PXYLP1: variants seen among roughly 807,000 people sequenced by gnomAD.
PXYLP1 encodes the protein 2-phosphoxylose phosphatase 1, also known as acid phosphatase-like 2.
A neutral mutation model predicts 37.9 loss-of-function variants in PXYLP1; 17 were observed. The ratio of observed to expected loss-of-function variants is 0.45; its 90% CI spans 0.31 to 0.67. The LOEUF is 0.67. PXYLP1 is among the 30% of genes least tolerant of loss of function. The pLI is 0.07. For missense variants in PXYLP1, 511 were observed against 612.0 expected, an observed-to-expected ratio of 0.84 and a Z score of 1.74; for synonymous variants, 221 against 232.2, an observed-to-expected ratio of 0.95 and a Z score of 0.44.
At chr3:141,271,617 G>C (rs1404386520) in intron 2 of PXYLP1, among the ~76,000 whole-genome samples, 2 of 152,188 alleles carry the variant, frequency 1.3e-5, no homozygotes, top group Admixed American at 1.3e-4. Context: ...CTGGGTCCCT[G>C]ATACCCAACT....
chr3:141,268,469 G>A lies in PXYLP1; in HGVS notation c.79+8215G>A, dbSNP rs372739838. ...GTGTGCGCCTGCTGAGCCAAGCCAC[G>A]CAGTGCAGACCCCGCTCACTCCCTG... On this transcript the variant is annotated intron_variant, in intron 2 of 5. Coordinates refer to ENST00000286353, the MANE Select transcript of PXYLP1 (RefSeq NM_001037172.3). Among the ~76,000 whole-genome samples, 4 of 152,258 alleles carry A rather than the reference G, an allele frequency of 2.6e-5. No homozygotes were observed. In the South Asian group the frequency reaches 6.2e-4, roughly 24 times the overall value.
At chr3:141,285,548 A>C (rs1157126254) in intron 4 of PXYLP1, among the ~76,000 whole-genome samples, 5 of 152,224 alleles carry the variant, frequency 3.3e-5, no homozygotes, top group African/African-American at 1.2e-4. Context: ...AATAAAAAAC[A>C]TTGGAATGAA....
intron 1 of PXYLP1, among the ~76,000 whole-genome samples, chr3:141,237,042 C>G (rs751003841): frequency 6.6e-6 from 1 of 152,100 alleles, no homozygotes; most frequent in Non-Finnish European, 1.5e-5. Flanking sequence ...ATTCAATAAG[C>G]CTGCGATCTG....
intron 1 of PXYLP1, among the ~76,000 whole-genome samples, chr3:141,257,904 C>CAAAAA (rs59070598): frequency 3.0e-4 from 24 of 79,428 alleles, no homozygotes; most frequent in East Asian, 1.5e-3. Context: ...AACTCTGTCT[C>CAAAAA]AAAAAAAAAA....
At chr3:141,265,828 G>A (rs925477883) in intron 2 of PXYLP1, among the ~76,000 whole-genome samples, 5 of 152,154 alleles carry the variant, frequency 3.3e-5, no homozygotes, top group Non-Finnish European at 5.9e-5. Context: ...AACCATGCAG[G>A]GCTGGTGGCT....
intron 2 of PXYLP1, among the ~76,000 whole-genome samples, chr3:141,260,615 A>G (rs2148754220): frequency 6.6e-6 from 1 of 152,290 alleles, no homozygotes; most frequent in East Asian, 1.9e-4. Flanking sequence ...TTTAGCCTTC[A>G]GTCAGCCGCG....
chr3:141,256,686 G>C (rs1046128897), intron 1 of PXYLP1, among the ~76,000 whole-genome samples: 6 of 152,200 alleles, frequency 3.9e-5, no homozygotes, highest in African/African-American at 1.4e-4. Context: ...TTATCTTCAA[G>C]TTTTCTAGTG....
chr3:141,293,526 A>T lies in PXYLP1; in HGVS notation c.*321A>T, dbSNP rs953256186. The T allele has an allele frequency of 3.8e-6, 1 of 260,502 alleles. No individual in the cohort carries two copies. The highest frequency in any genetic ancestry group is 2.2e-5 in the African/African-American group (1 of 45,216). 16.1% of individuals were successfully genotyped at this position (260,502 alleles called of 1,614,324 possible). ...AGTTTGCACTCTTCTGGCCTGCCCC[A>T]TGTTACTATGTGATGGAACCAGCAC... On this transcript the variant is annotated 3_prime_UTR_variant, in exon 6 of 6. Transcript: ENST00000286353.
intron 1 of PXYLP1, among the ~76,000 whole-genome samples, chr3:141,255,782 G>C (rs1474090027): frequency 6.6e-6 from 1 of 152,196 alleles, no homozygotes; most frequent in Non-Finnish European, 1.5e-5. Flanking sequence ...CTACCTACCT[G>C]GAGATGGAAA....
At chr3:141,291,353 A>G (rs1942199960) in intron 5 of PXYLP1, among the ~76,000 whole-genome samples, 1 of 152,148 alleles carries the variant, frequency 6.6e-6, no homozygotes, top group African/African-American at 2.4e-5. Flanking sequence ...GCTTTTTCCA[A>G]TGTTAAAAGT....
intron 5 of PXYLP1, among the ~76,000 whole-genome samples, chr3:141,291,128 T>C (rs1180654067): frequency 1.3e-5 from 2 of 152,164 alleles, no homozygotes; most frequent in Admixed American, 6.5e-5. Flanking sequence ...CAGGGGAACA[T>C]ATTTCCCTCT....
intron 3 of PXYLP1, among the ~76,000 whole-genome samples, 160 bp downstream of exon 3, chr3:141,278,660 A>G (rs1941865558): frequency 6.6e-6 from 1 of 152,220 alleles, no homozygotes; most frequent in Non-Finnish European, 1.5e-5. Flanking sequence ...ATTCTCCTCT[A>G]TAAAATGGGA....
At chr3:141,263,880 T>G (rs961780546) in intron 2 of PXYLP1, among the ~76,000 whole-genome samples, 2 of 152,160 alleles carry the variant, frequency 1.3e-5, no homozygotes, top group African/African-American at 2.4e-5. Flanking sequence ...CATAAACCTT[T>G]TAAGCAAACC....
At chr3:141,262,472 T>C in intron 2 of PXYLP1, 1 of 680,108 alleles carries the variant, frequency 1.5e-6, no homozygotes, top group Middle Eastern at 4.0e-4. Context: ...GACATGAATG[T>C]GTGTTACTTG....
intron 2 of PXYLP1, chr3:141,267,409 T>C (rs1348333682): frequency 3.9e-5 from 6 of 152,192 alleles, no homozygotes; most frequent in Admixed American, 3.3e-4. Context: ...TATGAGAAAT[T>C]GAAAGTGAAG....
In PXYLP1 at chr3:141,238,704, A is replaced by G. The variant is rs2107870320; in HGVS notation, c.-54+6793A>G. Among the ~76,000 whole-genome samples, 3 of 152,150 alleles carry G rather than the reference A, an allele frequency of 2.0e-5. No homozygotes were observed. The South Asian group carries it at 6.2e-4, about 32-fold the overall frequency. ...AATCCCCAATATTGTAACTATACAT[A>G]GCCTACTGTTAGCCAGAAGCCTTAC... On this transcript the variant is annotated intron_variant, in intron 1 of 5. Transcript: ENST00000286353.
chr3:141,271,247 G>T (rs1262902481), intron 2 of PXYLP1, among the ~76,000 whole-genome samples: 33 of 152,106 alleles, frequency 2.2e-4, no homozygotes, highest in Admixed American at 2.2e-3. Context: ...ACAGAGCCAG[G>T]ACATGAATTC....
At chr3:141,259,996 G>A in intron 1 of PXYLP1, 127 bp from the exon 2 acceptor site, 4 of 652,402 alleles carry the variant, frequency 6.1e-6, no homozygotes, top group East Asian at 2.9e-5. Flanking sequence ...AGCTAGAGAT[G>A]CATGCTTCCC....
At chr3:141,287,938 CTAAT>C (rs1942114468) in intron 5 of PXYLP1, among the ~76,000 whole-genome samples, 2 of 152,358 alleles carry the variant, frequency 1.3e-5, no homozygotes, top group South Asian at 2.1e-4. Flanking sequence ...ATTTATTTAA[CTAAT>C]CTCATGTTCT....
Sources: gnomAD v4.1 joint callset for allele counts (sites outside exome capture counted in the v4.1 genomes callset) on GRCh38, gnomAD v4.1.1 for gene constraint, MANE v1.5 for transcripts, NCBI Gene and HGNC (gene_info 2026-07-23, HGNC 2026-07-21) for gene names.